Variants in CCPG1 observed in about 807,000 individuals in gnomAD.
CCPG1 encodes cell cycle progression 1.
A neutral mutation model predicts 81.3 loss-of-function variants in CCPG1; 46 were observed. That is an observed-to-expected ratio of 0.57 (90% CI 0.45 to 0.72). CCPG1 has a LOEUF of 0.72. Among genes scored for constraint, CCPG1 ranks in the 30% least tolerant of loss-of-function variants. CCPG1 has a pLI of 0.00. For missense variants in CCPG1, 902 were observed against 937.6 expected (o/e 0.96, Z 0.50); for synonymous variants, 330 against 305.2 (o/e 1.08, Z -0.85).
At chr15:55,370,090 G>C (rs1001550035) in intron 6 of CCPG1, among the ~76,000 whole-genome samples, 1 of 151,976 alleles carries the variant, frequency 6.6e-6, no homozygotes, top group Non-Finnish European at 1.5e-5. Context: ...AATTCAAGCA[G>C]GTATCCATCA....
rs796592511 is a variant in CCPG1, at chr15:55,375,934, C to T, written c.454+1015G>A. Among the ~76,000 whole-genome samples the T allele has an allele frequency of 4.7e-4, 71 of 152,272 alleles. 1 individual carries two copies. Among genetic ancestry groups the T allele is most frequent in the African/African-American group, 1.7e-3 (70 of 41,562 alleles). ...CGAAATCCTGGGTTCAGGTAATCCA[C>T]CTGCCTCAGCTTTACAAAGTGCTGG... On this transcript the variant is annotated intron_variant, in intron 5 of 8. Coordinates refer to ENST00000442196, the MANE Select transcript of CCPG1 (RefSeq NM_001204450.2).
intron 8 of CCPG1, chr15:55,356,690 G>A: frequency 8.9e-7 from 1 of 1,121,354 alleles, no homozygotes; most frequent in Non-Finnish European, 1.1e-6. Flanking sequence ...AATGAGATGT[G>A]TTTCCATTAT....
intron 1 of CCPG1, among the ~76,000 whole-genome samples, chr15:55,400,383 C>T (rs1420266943): frequency 1.3e-5 from 2 of 151,764 alleles, no homozygotes; most frequent in African/African-American, 4.8e-5. Context: ...TGGTGCGTGC[C>T]TGTAATCCCA....
At chr15:55,367,160 G>A (rs1352463363) in intron 6 of CCPG1, among the ~76,000 whole-genome samples, 1 of 152,110 alleles carries the variant, frequency 6.6e-6, no homozygotes, top group African/African-American at 2.4e-5. Flanking sequence ...AGCACGGCAA[G>A]CTTGTTTCAA....
intron 6 of CCPG1, among the ~76,000 whole-genome samples, chr15:55,367,205 G>A (rs1449716906): frequency 6.6e-6 from 1 of 152,082 alleles, no homozygotes; most frequent in Non-Finnish European, 1.5e-5. Flanking sequence ...TTTTTCAAAT[G>A]TTGAAATTTA....
intron 7 of CCPG1, 49 bp from the exon 8 acceptor site, chr15:55,360,993 A>G (rs1390228741): frequency 1.4e-6 from 2 of 1,445,068 alleles, no homozygotes; most frequent in Non-Finnish European, 1.8e-6. Flanking sequence ...ATGCTTTAAA[A>G]GCTGAATTTA....
chr15:55,404,909 A>T (rs766372284), intron 1 of CCPG1, among the ~76,000 whole-genome samples: 8 of 152,120 alleles, frequency 5.3e-5, no homozygotes, highest in Non-Finnish European at 8.8e-5. Flanking sequence ...ATCTCTACTA[A>T]AAATACAAAA....
intron 1 of CCPG1, among the ~76,000 whole-genome samples, chr15:55,397,594 T>C (rs1319278092): frequency 6.6e-6 from 1 of 152,132 alleles, no homozygotes; most frequent in Non-Finnish European, 1.5e-5. Context: ...ATATGGGGTA[T>C]AAAGGATGAC....
chr15:55,382,700 G>A (rs1310555877), intron 3 of CCPG1, among the ~76,000 whole-genome samples: 1 of 151,990 alleles, frequency 6.6e-6, no homozygotes, highest in Non-Finnish European at 1.5e-5. Context: ...TAGTAGAGAT[G>A]GGATTTCACC....
Position 55,393,448 on chromosome 15 carries a change from GT to G in CCPG1, c.-9-4016del, listed in dbSNP as rs894917633. The stretch of plus-strand genomic sequence containing the variant: ...GAGCAAGACCCTGTCTCAAAAAAAT[GT>G]TTTTTTTCAAGATAGGGAAGCAACT... On this transcript the variant is annotated intron_variant, in intron 1 of 8. Transcript: ENST00000442196. Among the ~76,000 whole-genome samples the G allele has an allele frequency of 6.6e-5, 10 of 151,678 alleles. 1 individual carries two copies. In the South Asian group the frequency reaches 2.1e-3, roughly 32 times the overall value.
intron 1 of CCPG1, among the ~76,000 whole-genome samples, chr15:55,398,043 T>C (rs1207721220): frequency 1.3e-5 from 2 of 152,064 alleles, no homozygotes; most frequent in Admixed American, 6.6e-5. Context: ...TCTGAGATAG[T>C]TATTATCACA....
At chr15:55,403,578 T>C (rs546804299) in intron 1 of CCPG1, among the ~76,000 whole-genome samples, 1 of 152,292 alleles carries the variant, frequency 6.6e-6, no homozygotes, top group African/African-American at 2.4e-5. Flanking sequence ...ATTACAATCC[T>C]TCCCATATCA....
At chr15:55,358,322 C>A in intron 8 of CCPG1, 1 of 957,106 alleles carries the variant, frequency 1.0e-6, no homozygotes, top group Non-Finnish European at 1.2e-6. Context: ...CCAGCATCCA[C>A]TGGGGGTCTT....
rs199602013 is a variant in CCPG1 at position 55,392,387 on chromosome 15, C to CT, written c.-9-2955dup. Among the ~76,000 whole-genome samples the CT allele has an allele frequency of 8.8e-3, 1,331 of 150,508 alleles. 5 individuals are homozygous for CT. The highest frequency in any genetic ancestry group is 0.024 in the Middle Eastern group (7 of 288). On this transcript the variant is annotated intron_variant, in intron 1 of 8. Coordinates refer to ENST00000442196, the MANE Select transcript of CCPG1 (RefSeq NM_001204450.2). ...CCACCATGCCCAGCTAATTTTTGTA[C>CT]TTTTAGTAGAGACGGGGTTTCACCA...
At position 55,364,781 on chromosome 15, in the gene CCPG1, A is replaced by G. The variant is rs529655328; in HGVS notation, c.828+407T>C. Reference sequence around the variant, plus strand: ...CCAGCTACTTGGGAGGCTGAGGCACAAGAATCGCTTGAACCCAGGAGGTGG... The same window carrying G: ...CCAGCTACTTGGGAGGCTGAGGCACGAGAATCGCTTGAACCCAGGAGGTGG... On this transcript the variant is annotated intron_variant, in intron 7 of 8. Transcript: ENST00000442196. 3.5e-5 allele frequency among the ~76,000 whole-genome samples: 5 copies of G among 143,084 alleles called. 1 individual carries two copies. In the East Asian group the frequency reaches 1.2e-3, roughly 34 times the overall value. The allele number at this position is 143,084 out of a possible 152,430, so 93.9% of individuals were successfully genotyped here.
At chr15:55,394,139 T>G (rs1255097008) in intron 1 of CCPG1, among the ~76,000 whole-genome samples, 1 of 152,136 alleles carries the variant, frequency 6.6e-6, no homozygotes, top group Non-Finnish European at 1.5e-5. Flanking sequence ...TATACAGGTA[T>G]GTGCCACCCT....
intron 5 of CCPG1, among the ~76,000 whole-genome samples, chr15:55,373,327 A>G (rs2056493608): frequency 6.6e-6 from 1 of 152,244 alleles, no homozygotes; most frequent in Non-Finnish European, 1.5e-5. Context: ...AAAGAGCTCT[A>G]AAACAACAAA....
Position 55,360,596 on chromosome 15 carries a change from T to C in CCPG1, c.1177A>G (p.Thr393Ala). ...TGGAGTTCCCCCCTTAAAGCCGTAGTTACTAGTCGTTCTCTCTCCAGTTCT... is the reference window on the plus strand; with the variant it reads ...TGGAGTTCCCCCCTTAAAGCCGTAGCTACTAGTCGTTCTCTCTCCAGTTCT... ...KRELERERLV[T>A]TALRGELQQL... The change falls in exon 8 of 9, where the codon ACT becomes GCT. Residue 393 changes from threonine to alanine, a missense_variant. Around this residue, in one of 3 missense-constraint regions of CCPG1, gnomAD observed 746 missense variants for 728.6 expected, o/e 1.02. Coordinates refer to ENST00000442196, the MANE Select transcript of CCPG1 (RefSeq NM_001204450.2). 1 of 1,614,210 alleles carries C rather than the reference T, an allele frequency of 6.2e-7. No individual in the cohort carries two copies. The highest frequency in any genetic ancestry group is 8.5e-7 in the Non-Finnish European group (1 of 1,180,030).
At chr15:55,389,190 AG>A (rs1232077270) in intron 2 of CCPG1, among the ~76,000 whole-genome samples, 174 bp downstream of exon 2, 1 of 152,158 alleles carries the variant, frequency 6.6e-6, no homozygotes, top group Non-Finnish European at 1.5e-5. Flanking sequence ...ACAATAATGT[AG>A]AAGATGCTGG....
Sources: gnomAD v4.1 joint callset for allele counts (sites outside exome capture counted in the v4.1 genomes callset) on GRCh38, gnomAD v4.1.1 for gene constraint, gnomAD v4.1.1 regional missense constraint, MANE v1.5 for transcripts, NCBI Gene and HGNC (gene_info 2026-07-23, HGNC 2026-07-21) for gene names.